Variants in ZNF780B observed in about 807,000 individuals in gnomAD.
The protein encoded by ZNF780B is zinc finger protein 780B, also known as zinc finger protein 779.
A neutral mutation model predicts 74.1 loss-of-function variants in ZNF780B; 52 were observed. That is an observed-to-expected ratio of 0.70 (90% CI 0.56 to 0.88). The LOEUF (loss-of-function observed/expected upper bound fraction) is 0.88. Among genes scored for constraint, ZNF780B ranks in the 40% least tolerant of loss-of-function variants. ZNF780B has a pLI of 0.00. For missense variants in ZNF780B, 953 were observed against 1,007.6 expected, an observed-to-expected ratio of 0.95 and a Z score of 0.73; for synonymous variants, 315 against 324.3, an observed-to-expected ratio of 0.97 and a Z score of 0.31.
At chr19:40,047,094 T>C (rs1972964829) in intron 4 of ZNF780B, among the ~76,000 whole-genome samples, 1 of 152,150 alleles carries the variant, frequency 6.6e-6, no homozygotes, top group Admixed American at 6.5e-5. Context: ...TTTTAAAAAC[T>C]GTTTAAAGTT....
intron 4 of ZNF780B, among the ~76,000 whole-genome samples, chr19:40,044,261 G>T (rs576681039): frequency 2.0e-5 from 3 of 152,312 alleles, no homozygotes; most frequent in South Asian, 4.1e-4. Context: ...AAGAGATGCA[G>T]ACATCTTGAT....
chr19:40,043,067 C>G (rs899412948), intron 4 of ZNF780B, among the ~76,000 whole-genome samples: 1 of 152,154 alleles, frequency 6.6e-6, no homozygotes, highest in Non-Finnish European at 1.5e-5. Context: ...TGGTGACGTA[C>G]AGATGGGTTT....
At position 40,034,116 on chromosome 19, in the gene ZNF780B, A is replaced by G; in HGVS notation, c.*241T>C. The G allele has an allele frequency of 3.4e-6, 2 of 585,758 alleles. No individual in the cohort carries two copies. The highest frequency in any genetic ancestry group is 6.2e-6 in the Non-Finnish European group (2 of 321,438). 36.3% of individuals were successfully genotyped at this position (585,758 alleles called of 1,614,324 possible). A position where few individuals can be genotyped will look rare whatever the true frequency, so the allele number is the denominator to read the frequency against. ...TACATTCATAGGGTTTCTCATCAGT[A>G]TGAATTTTAACATGTTTAACAGGTT... is the stretch of plus-strand genomic sequence containing the variant. On this transcript the variant is annotated 3_prime_UTR_variant, in exon 5 of 5. Coordinates refer to ENST00000434248, the MANE Select transcript of ZNF780B (RefSeq NM_001005851.3).
In ZNF780B at chr19:40,034,947, C is replaced by T; in HGVS notation, c.1912G>A (p.Glu638Lys). The T allele has an allele frequency of 6.2e-7, 1 of 1,614,106 alleles. No individual in the cohort carries two copies. Among genetic ancestry groups the T allele is most frequent in the Non-Finnish European group, 8.5e-7 (1 of 1,180,016 alleles). The change falls in exon 5 of 5, where the codon GAG becomes AAG. Residue 638 changes from glutamate (E) to lysine (K), a missense_variant. Coordinates refer to ENST00000434248, the MANE Select transcript of ZNF780B (RefSeq NM_001005851.3). Reference protein sequence around the residue: ...LNHHKNIHTGEKPFKCKECGK... With the variant: ...LNHHKNIHTGKKPFKCKECGK... ...CATTCTTTACATTTAAATGGCTTCT[C>T]ACCTGTGTGAATGTTCTTATGGTGA...
intron 4 of ZNF780B, among the ~76,000 whole-genome samples, chr19:40,044,056 C>G (rs1387229513): frequency 6.6e-6 from 1 of 152,214 alleles, no homozygotes; most frequent in Admixed American, 6.5e-5. Context: ...TTCCACCCCT[C>G]TAACTCATCT....
intron 2 of ZNF780B, 114 bp from the exon 3 acceptor site, chr19:40,048,910 G>A (rs1411901220): frequency 3.4e-6 from 5 of 1,485,664 alleles, no homozygotes; most frequent in Admixed American, 4.1e-5. Context: ...AAATCGCAGA[G>A]TGCCTACACA....
rs1234449436 is a variant in ZNF780B at position 40,028,309 on chromosome 19, C to T, written c.*6048G>A. ...TAGAAAATGAGTTTGCAGAGCCCCC[C>T]CATCTACCATCCAGAAGTGGAACTA... On this transcript the variant is annotated 3_prime_UTR_variant, in exon 5 of 5. Coordinates refer to ENST00000434248, the MANE Select transcript of ZNF780B (RefSeq NM_001005851.3). 2 of 152,118 alleles carry T rather than the reference C, an allele frequency of 1.3e-5. No homozygotes were observed. The highest frequency in any genetic ancestry group is 2.9e-5 in the Non-Finnish European group (2 of 68,020). The allele number at this position is 152,118 out of a possible 1,614,324, so 9.4% of individuals were successfully genotyped here. A position where few individuals can be genotyped will look rare whatever the true frequency, so the allele number is the denominator to read the frequency against.
At chr19:40,049,454 C>A (rs573920518) in intron 2 of ZNF780B, among the ~76,000 whole-genome samples, 177 of 152,186 alleles carry the variant, frequency 1.2e-3, no homozygotes, top group African/African-American at 4.1e-3. Context: ...AAGGTTTTCC[C>A]AAATTCAGAG....
intron 1 of ZNF780B, among the ~76,000 whole-genome samples, chr19:40,053,352 C>T (rs1424909625): frequency 6.6e-6 from 1 of 151,984 alleles, no homozygotes; most frequent in East Asian, 1.9e-4. Context: ...AAAATTAAAC[C>T]TACAATAAGA....
intron 4 of ZNF780B, among the ~76,000 whole-genome samples, chr19:40,042,645 A>C (rs1972703714): frequency 6.6e-6 from 1 of 151,848 alleles, no homozygotes; most frequent in Non-Finnish European, 1.5e-5. Flanking sequence ...ACTTCATTTC[A>C]TTCATTTTGT....
rs189865324 is a variant in ZNF780B at position 40,040,154 on chromosome 19, T to A, written c.233-3528A>T. On this transcript the variant is annotated intron_variant, in intron 4 of 4. Coordinates refer to ENST00000434248, the MANE Select transcript of ZNF780B (RefSeq NM_001005851.3). ...AATTTTGTCAAAGGCCTTTTCTGCATCTATTGAGATAATCATGTGGTTTTT... is the reference window on the plus strand; with the variant it reads ...AATTTTGTCAAAGGCCTTTTCTGCAACTATTGAGATAATCATGTGGTTTTT... Among the ~76,000 whole-genome samples, 1,146 of 152,348 alleles carry A rather than the reference T, an allele frequency of 7.5e-3. 9 individuals are homozygous for A. The highest frequency in any genetic ancestry group is 0.014 in the Middle Eastern group (4 of 294).
At chr19:40,037,218 A>ATTTT (rs562892051) in intron 4 of ZNF780B, among the ~76,000 whole-genome samples, 6 of 131,814 alleles carry the variant, frequency 4.6e-5, no homozygotes, top group Non-Finnish European at 8.3e-5. Flanking sequence ...CCTGGCCTCT[A>ATTTT]TTTTTTTTTT....
Position 40,036,579 on chromosome 19 carries a change from TATC to T in ZNF780B, c.277_279del (p.Asp93del). On this transcript the variant is annotated inframe_deletion, in exon 5 of 5. Transcript: ENST00000434248. The stretch of plus-strand genomic sequence containing the variant: ...TGTTTGGGTAAATTTATTTCAAAAA[TATC>T]ATTTTCTGGAGATATTTTCTCAGGT... 6.4e-7 allele frequency: 1 copy of T among 1,566,992 alleles called. No homozygotes were observed. Among genetic ancestry groups the T allele is most frequent in the African/African-American group, 1.4e-5 (1 of 72,850 alleles).
At chr19:40,054,708 G>A (rs953081195) in intron 1 of ZNF780B, among the ~76,000 whole-genome samples, 2 of 152,168 alleles carry the variant, frequency 1.3e-5, no homozygotes, top group Admixed American at 6.5e-5. Context: ...TATATGCCTA[G>A]CACTGCTCTA....
rs1279672783 is a variant in ZNF780B, at chr19:40,035,121, T to C, written c.1738A>G (p.Thr580Ala). The C allele has an allele frequency of 6.2e-7, 1 of 1,613,718 alleles. No individual in the cohort carries two copies. Among genetic ancestry groups the C allele is most frequent in the Non-Finnish European group, 8.5e-7 (1 of 1,179,786 alleles). Residue 580 changes from threonine (T) to alanine (A), a missense_variant, in exon 5 of 5, where the codon ACC becomes GCC. Coordinates refer to ENST00000434248, the MANE Select transcript of ZNF780B (RefSeq NM_001005851.3). Reference sequence around the variant, plus strand: ...TTACATTCAAAGGGTTTCTTTCCGGTATGAATACTTCGATGTTGATTAAGA... The same window carrying C: ...TTACATTCAAAGGGTTTCTTTCCGGCATGAATACTTCGATGTTGATTAAGA... ...SNLNQHRSIH[T>A]GKKPFECKEC...
At chr19:40,044,617 T>G (rs866996260) in intron 4 of ZNF780B, among the ~76,000 whole-genome samples, 1 of 152,174 alleles carries the variant, frequency 6.6e-6, no homozygotes, top group South Asian at 2.1e-4. Flanking sequence ...CAAGATATGT[T>G]CAAGAGTCCT....
At position 40,032,081 on chromosome 19, in the gene ZNF780B, A is replaced by G. The variant is rs975089375; in HGVS notation, c.*2276T>C. ...TTGTAAAGAAAATACAACCAAGAAC[A>G]AGGCTAAATGACACTATAAAGAAAG... On this transcript the variant is annotated 3_prime_UTR_variant, in exon 5 of 5. Coordinates refer to ENST00000434248, the MANE Select transcript of ZNF780B (RefSeq NM_001005851.3). 2.2e-6 allele frequency: 1 copy of G among 456,336 alleles called. No individual in the cohort carries two copies. Among genetic ancestry groups the G allele is most frequent in the African/African-American group, 2.0e-5 (1 of 50,154 alleles). 28.3% of individuals were successfully genotyped at this position (456,336 alleles called of 1,614,324 possible).
chr19:40,038,447 G>A (rs1345503501), intron 4 of ZNF780B, among the ~76,000 whole-genome samples: 8 of 151,772 alleles, frequency 5.3e-5, no homozygotes, highest in South Asian at 2.1e-4. Flanking sequence ...GGATGGCTGG[G>A]TCAAATGGTA....
rs1599757666 is a variant in ZNF780B, at chr19:40,034,049, C to A, written c.*308G>T. 3 of 403,122 alleles carry A rather than the reference C, an allele frequency of 7.4e-6. No individual in the cohort carries two copies. Among genetic ancestry groups the A allele is most frequent in the Non-Finnish European group, 1.4e-5 (3 of 214,180 alleles). The allele number at this position is 403,122 out of a possible 1,614,324, so 25.0% of individuals were successfully genotyped here. ...TCAGCAGTACGGATTCTCAGATGTA[C>A]AGTAAGATCATAATTACTGCTAAAG... On this transcript the variant is annotated 3_prime_UTR_variant, in exon 5 of 5. Transcript: ENST00000434248.
Sources: allele counts gnomAD v4.1 joint callset (sites outside exome capture counted in the v4.1 genomes callset), GRCh38; gene constraint gnomAD v4.1.1; transcripts MANE v1.5; gene names NCBI Gene and HGNC (gene_info 2026-07-23, HGNC 2026-07-21).